The following DOCK8 variants were observed in gnomAD, a reference collection of about 807,000 sequenced individuals.
DOCK8 encodes dedicator of cytokinesis 8, also known as dedicator of cytokinesis protein 8.
In DOCK8, 141 loss-of-function variants were observed where a neutral mutation model predicts 245.6. The ratio of observed to expected loss-of-function variants is 0.57; its 90% CI spans 0.50 to 0.66. The LOEUF (loss-of-function observed/expected upper bound fraction) is 0.66. Among genes scored for constraint, DOCK8 ranks in the 30% least tolerant of loss-of-function variants. The pLI is 0.00. For synonymous variants in DOCK8, 1,168 were observed against 970.2 expected (o/e 1.20, Z -3.79); for missense variants, 2,965 against 2,603.4 (o/e 1.14, Z -3.02).
intron 14 of DOCK8, among the ~76,000 whole-genome samples, chr9:343,499 T>A (rs892757372): frequency 4.8e-4 from 72 of 149,996 alleles, no homozygotes; most frequent in Non-Finnish European, 7.8e-4. Context: ...AAAAAAAAAA[T>A]AATTTAGAAA....
intron 26 of DOCK8, among the ~76,000 whole-genome samples, chr9:400,520 T>A (rs566091622): frequency 2.5e-5 from 1 of 40,488 alleles, no homozygotes; most frequent in Non-Finnish European, 4.1e-5. Context: ...CACCACCACC[T>A]CCACCATCAC....
intron 6 of DOCK8, among the ~76,000 whole-genome samples, chr9:313,854 AC>A (rs1174633235): frequency 3.9e-5 from 6 of 152,272 alleles, no homozygotes; most frequent in African/African-American, 1.4e-4. Flanking sequence ...TCAAAACATT[AC>A]TTGATTTAAT....
At chr9:334,620 T>C (rs1367178994) in intron 11 of DOCK8, among the ~76,000 whole-genome samples, 1 of 152,204 alleles carries the variant, frequency 6.6e-6, no homozygotes, top group Non-Finnish European at 1.5e-5. Context: ...TAAGATTTTC[T>C]AGATGGTATG....
intron 46 of DOCK8, chr9:460,169 T>C (rs2057760236): frequency 6.6e-6 from 1 of 152,238 alleles, no homozygotes; most frequent in South Asian, 2.1e-4. Context: ...TTGAAGATTT[T>C]TATGGTTAAG....
intron 14 of DOCK8, among the ~76,000 whole-genome samples, chr9:362,030 A>G (rs561619448): frequency 6.6e-6 from 1 of 152,320 alleles, no homozygotes; most frequent in South Asian, 2.1e-4. Context: ...GACCTTGAAC[A>G]ACTACAGATA....
In DOCK8 at chr9:214,980, G is replaced by T; in HGVS notation, c.4G>T (p.Ala2Ser). 1.2e-6 allele frequency: 2 copies of T among 1,601,002 alleles called. No individual in the cohort carries two copies. Among genetic ancestry groups the T allele is most frequent in the Non-Finnish European group, 1.7e-6 (2 of 1,176,614 alleles). The change falls in exon 1 of 48, where the codon GCC (alanine) becomes TCC (serine). Residue 2 changes from alanine to serine, a missense_variant. Coordinates refer to ENST00000432829, the MANE Select transcript of DOCK8 (RefSeq NM_203447.4). ...GCCACCGAACCGCCGGCGGGCCATG[G>T]CCACTCTGCCGAGCGCAGAGCGCCG... M[A>S]TLPSAERRAF...
chr9:286,181 C>T (rs2048815427), intron 2 of DOCK8, among the ~76,000 whole-genome samples: 1 of 152,104 alleles, frequency 6.6e-6, no homozygotes, highest in Admixed American at 6.5e-5. Flanking sequence ...TTTGGATCTC[C>T]TCAGGATTCC....
chr9:465,244 T>C lies in DOCK8; in HGVS notation c.*1025T>C, dbSNP rs1161987171. The C allele has an allele frequency of 6.5e-6, 1 of 152,678 alleles. No homozygotes were observed. Among genetic ancestry groups the C allele is most frequent in the African/African-American group, 2.4e-5 (1 of 41,476 alleles). 9.5% of individuals were successfully genotyped at this position (152,678 alleles called of 1,614,324 possible). On this transcript the variant is annotated 3_prime_UTR_variant, in exon 48 of 48. Transcript: ENST00000432829. Reference sequence around the variant, plus strand: ...ACTGATAATAAAGATGTAATAAGAATTGCAAGCTAAATGTTTCCCTTTGCA... The same window carrying C: ...ACTGATAATAAAGATGTAATAAGAACTGCAAGCTAAATGTTTCCCTTTGCA...
intron 4 of DOCK8, 106 bp from the exon 5 acceptor site, chr9:304,471 GCTCT>G: frequency 7.0e-7 from 1 of 1,421,698 alleles, no homozygotes; most frequent in Non-Finnish European, 9.8e-7. Flanking sequence ...CTCTTTGAAA[GCTCT>G]CTCAGCACCA....
At chr9:351,873 A>G (rs2052186896) in intron 14 of DOCK8, among the ~76,000 whole-genome samples, 3 of 152,068 alleles carry the variant, frequency 2.0e-5, no homozygotes, top group South Asian at 2.1e-4. Context: ...AGTGTTTGCA[A>G]CTCCCTTGTA....
In DOCK8 at chr9:258,818, G is replaced by A. The variant is rs1340597169; in HGVS notation, c.54-12809G>A. ...TCACCACGTTGGCCAGGCTGGTCTCGAACTCCTGACCTCAGGTGATCTGCC... is the reference window on the plus strand; with the variant it reads ...TCACCACGTTGGCCAGGCTGGTCTCAAACTCCTGACCTCAGGTGATCTGCC... On this transcript the variant is annotated intron_variant, in intron 1 of 47. Transcript: ENST00000432829. Among the ~76,000 whole-genome samples the A allele has an allele frequency of 3.3e-5, 5 of 152,018 alleles. No individual in the cohort carries two copies. In the South Asian group the frequency reaches 6.2e-4, roughly 19 times the overall value.
At chr9:348,784 G>C (rs998759822) in intron 14 of DOCK8, among the ~76,000 whole-genome samples, 1 of 152,130 alleles carries the variant, frequency 6.6e-6, no homozygotes, top group Non-Finnish European at 1.5e-5. Context: ...GGACAGCTTT[G>C]GGAAACTGTT....
intron 14 of DOCK8, among the ~76,000 whole-genome samples, chr9:367,007 C>T (rs1468575233): frequency 2.0e-5 from 3 of 152,150 alleles, no homozygotes; most frequent in African/African-American, 4.8e-5. Context: ...CCCCGCTCTG[C>T]CATTTAGTTA....
chr9:256,769 C>T (rs2047786356), intron 1 of DOCK8, among the ~76,000 whole-genome samples: 1 of 150,526 alleles, frequency 6.6e-6, no homozygotes. Flanking sequence ...GTGGCAGAAG[C>T]TCAGGCTTCA....
intron 14 of DOCK8, among the ~76,000 whole-genome samples, chr9:351,518 C>G (rs2052166774): frequency 6.6e-6 from 1 of 152,220 alleles, no homozygotes; most frequent in Non-Finnish European, 1.5e-5. Context: ...TTTTGTTAAT[C>G]ACATTGCAGT....
intron 1 of DOCK8, among the ~76,000 whole-genome samples, chr9:253,416 G>GA (rs2047696704): frequency 6.6e-6 from 1 of 151,966 alleles, no homozygotes; most frequent in Non-Finnish European, 1.5e-5. Context: ...CTTTCTTTAG[G>GA]AAAAAAGACC....
intron 1 of DOCK8, among the ~76,000 whole-genome samples, chr9:237,379 G>A (rs1405618419): frequency 6.6e-6 from 1 of 152,242 alleles, no homozygotes; most frequent in African/African-American, 2.4e-5. Flanking sequence ...CAAGGGCTGG[G>A]TGCTGTGGCT....
intron 2 of DOCK8, 22 bp downstream of exon 2, chr9:271,751 A>G: frequency 6.5e-7 from 1 of 1,528,406 alleles, no homozygotes; most frequent in Admixed American, 2.0e-5. Context: ...TTCCAGGTTT[A>G]CTTAGCGATT....
intron 18 of DOCK8, among the ~76,000 whole-genome samples, chr9:373,109 G>C (rs916807903): frequency 7.2e-5 from 11 of 152,194 alleles, no homozygotes; most frequent in African/African-American, 2.7e-4. Context: ...GGAGGTTGCA[G>C]TGAGCTGAGA....
Sources: gnomAD v4.1 joint callset for allele counts (sites outside exome capture counted in the v4.1 genomes callset) on GRCh38, gnomAD v4.1.1 for gene constraint, MANE v1.5 for transcripts, NCBI Gene and HGNC (gene_info 2026-07-23, HGNC 2026-07-21) for gene names.